The following EPS8L2 variants were observed in gnomAD, a reference collection of about 807,000 sequenced individuals.
EPS8L2 encodes EPS8 signaling adaptor L2, also known as epidermal growth factor receptor kinase substrate 8-like protein 2.
A neutral mutation model predicts 99.4 loss-of-function variants in EPS8L2; 81 were observed. That is an observed-to-expected ratio of 0.82 (90% CI 0.68 to 0.98). The LOEUF is 0.98. EPS8L2 is among the 50% of genes least tolerant of loss of function. The probability of loss-of-function intolerance (pLI) is 0.00; values close to 1 mark genes in which losing one functional copy is unlikely to be tolerated. For missense variants in EPS8L2, 1,155 were observed against 968.8 expected (o/e 1.19, Z -2.55); for synonymous variants, 509 against 407.3 (o/e 1.25, Z -3.01).
Position 726,317 on chromosome 11 carries a change from C to T in EPS8L2, c.1767C>T (p.His589=), listed in dbSNP as rs142923878. 200 of 1,609,200 alleles carry T rather than the reference C, an allele frequency of 1.2e-4. No individual in the cohort carries two copies. The highest frequency in any genetic ancestry group is 9.8e-5 in the Non-Finnish European group (115 of 1,178,590). The change falls in exon 19 of 21, where the codon CAC becomes CAT. Residue 589 remains histidine (H), a synonymous_variant. Coordinates refer to ENST00000318562, the MANE Select transcript of EPS8L2 (RefSeq NM_022772.4). ...FPGNKDELMQ[H]MDEVNDELIR... is the part of the protein sequence containing the mutation. ...GCGCCCCCTCAGAGCTCATGCAGCA[C>T]ATGGACGAGGTCAACGACGAGCTCA...
intron 5 of EPS8L2, 89 bp downstream of exon 5, chr11:720,312 C>G (rs1372032877): frequency 9.3e-6 from 13 of 1,396,362 alleles, no homozygotes; most frequent in Non-Finnish European, 1.3e-5. Context: ...GGCCGGTCCT[C>G]TCTGCAGGGC....
In EPS8L2 at chr11:726,103, T is replaced by G. The variant is rs765096089; in HGVS notation, c.1686T>G (p.Gly562=). ...EDAGAPFEQA[G]QKYWGPASPT... The stretch of plus-strand genomic sequence containing the variant: ...ATCGCCCCCCGCCCCCGCAGGCCGG[T>G]CAGAAGTACTGGGGCCCCGCCAGCC... The change falls in exon 18 of 21, where the codon GGT becomes GGG. Residue 562 remains glycine, a synonymous_variant. Transcript: ENST00000318562. 1 of 1,591,324 alleles carries G rather than the reference T, an allele frequency of 6.3e-7. No homozygotes were observed. The highest frequency in any genetic ancestry group is 1.1e-5 in the South Asian group (1 of 89,556).
intron 4 of EPS8L2, among the ~76,000 whole-genome samples, chr11:715,708 C>A (rs1334865681): frequency 1.9e-4 from 29 of 149,998 alleles, no homozygotes; most frequent in African/African-American, 6.6e-4. Flanking sequence ...GCAAGCTCCG[C>A]CTCCTGGGTT....
intron 3 of EPS8L2, chr11:710,028 G>A: frequency 2.9e-6 from 1 of 350,368 alleles, no homozygotes; most frequent in South Asian, 3.2e-5. Flanking sequence ...TTTGGACAAG[G>A]TGCCTAGTCT....
rs1256542067 is a variant in EPS8L2 at position 720,721 on chromosome 11, A to G, written c.452A>G (p.His151Arg). 3.8e-6 allele frequency: 6 copies of G among 1,586,208 alleles called. No individual in the cohort carries two copies. Among genetic ancestry groups the G allele is most frequent in the Non-Finnish European group, 2.6e-6 (3 of 1,167,550 alleles). Residue 151 changes from histidine to arginine, a missense_variant, in exon 6 of 21, where the codon CAC becomes CGC. Transcript: ENST00000318562. ...TCGGAGCAGAGCAAGCCGGATGTCCACTTCTTCCACTGCGATGAGGTGGAG... is the reference window on the plus strand; with the variant it reads ...TCGGAGCAGAGCAAGCCGGATGTCCGCTTCTTCCACTGCGATGAGGTGGAG... The part of the protein sequence containing the change: ...QDSEQSKPDV[H>R]FFHCDEVEAE...
intron 18 of EPS8L2, 24 bp from the exon 19 acceptor site, chr11:726,280 G>A (rs751227634): frequency 6.3e-7 from 1 of 1,591,884 alleles, no homozygotes; most frequent in Non-Finnish European, 8.5e-7. Flanking sequence ...GGCAGCGGCG[G>A]GCCTGAGTCG....
chr11:720,542 C>T (rs1029663104), intron 5 of EPS8L2, 55 bp from the exon 6 acceptor site: 7 of 1,562,590 alleles, frequency 4.5e-6, no homozygotes, highest in Non-Finnish European at 6.1e-6. Context: ...CGGCCACTCC[C>T]TGCCAGAGTG....
intron 12 of EPS8L2, 100 bp downstream of exon 12, chr11:722,265 G>C (rs892465994): frequency 1.3e-6 from 2 of 1,541,022 alleles, no homozygotes; most frequent in East Asian, 4.6e-5. Flanking sequence ...GCCCGCCTTG[G>C]GCAGCCCGGT....
At chr11:720,958 C>CCCGGAAGGGGAGGGGAGGAG in intron 7 of EPS8L2, 49 bp downstream of exon 7, 1 of 1,015,860 alleles carries the variant, frequency 9.8e-7, no homozygotes, top group African/African-American at 2.8e-5. Flanking sequence ...AGGGGAGGAG[C>CCCGGAAGGGGAGGGGAGGAG]CCGGCAGGGG....
At chr11:726,060 C>A in intron 17 of EPS8L2, 38 bp from the exon 18 acceptor site, 7 of 1,273,812 alleles carry the variant, frequency 5.5e-6, no homozygotes, top group South Asian at 1.3e-5. Flanking sequence ...GAGGCGGGGG[C>A]GGGGCGTGGG....
rs150769913 is a variant in EPS8L2 at position 720,200 on chromosome 11, C to G, written c.304C>G (p.Arg102Gly). Residue 102 changes from arginine to glycine, a missense_variant, in exon 5 of 21, where the codon CGG (arginine) becomes GGG (glycine). Physicochemically the swap from Arg to Gly is moderately radical, Grantham distance 125. Transcript: ENST00000318562. ...MLLQVNDQSL[R>G]LLDIESQEEL... ...GCTGCAGGTGAACGACCAGTCGCTG[C>G]GGCTGCTGGACATCGAGTCACAGGT... 6.2e-7 allele frequency: 1 copy of G among 1,612,966 alleles called. No homozygotes were observed. Among genetic ancestry groups the G allele is most frequent in the Non-Finnish European group, 8.5e-7 (1 of 1,179,924 alleles).
chr11:711,504 C>G (rs909267329), intron 4 of EPS8L2, among the ~76,000 whole-genome samples: 4 of 151,950 alleles, frequency 2.6e-5, no homozygotes, highest in Non-Finnish European at 4.4e-5. Context: ...CCCCACCATG[C>G]CCATCTAATT....
chr11:720,602 G>A lies in EPS8L2; in HGVS notation c.333G>A (p.Glu111=). 6.3e-7 allele frequency: 1 copy of A among 1,599,926 alleles called. No homozygotes were observed. The highest frequency in any genetic ancestry group is 8.5e-7 in the Non-Finnish European group (1 of 1,174,998). ...TCCGCGCGATGTACCCGCAGGAGGA[G>A]CTGGAAGACTTCCCGCTGCCCACGG... The part of the protein sequence containing the change: ...LRLLDIESQE[E]LEDFPLPTVQ... Residue 111 remains glutamate (E), a synonymous_variant, in exon 6 of 21, where the codon GAG becomes GAA. Transcript: ENST00000318562.
At chr11:711,266 G>A (rs1283415205) in intron 4 of EPS8L2, among the ~76,000 whole-genome samples, 1 of 109,874 alleles carries the variant, frequency 9.1e-6, no homozygotes, top group Non-Finnish European at 2.1e-5. Context: ...GTGTGCGTGC[G>A]TGCGTGTGTG....
intron 5 of EPS8L2, 75 bp from the exon 6 acceptor site, chr11:720,522 T>C: frequency 6.5e-7 from 1 of 1,548,676 alleles, no homozygotes; most frequent in Non-Finnish European, 8.7e-7. Context: ...TCCAGGCTTG[T>C]CCACAGCTCC....
chr11:726,599 G>A lies in EPS8L2; in HGVS notation c.1935-20G>A, dbSNP rs753303115. ...GCCTCGCTCACAGCGCGGCCCTGACGCCCAACTGCCCGCCCCCAGGATCGT... is the reference window on the plus strand; with the variant it reads ...GCCTCGCTCACAGCGCGGCCCTGACACCCAACTGCCCGCCCCCAGGATCGT... On this transcript the variant is annotated intron_variant, in intron 19 of 20. Coordinates refer to ENST00000318562, the MANE Select transcript of EPS8L2 (RefSeq NM_022772.4). The A allele has an allele frequency of 3.2e-6, 5 of 1,540,404 alleles. 1 individual carries two copies. The African/African-American group carries it at 4.1e-5, about 13-fold the overall frequency.
Position 720,894 on chromosome 11 carries a change from G to A in EPS8L2, c.542G>A (p.Arg181Gln), listed in dbSNP as rs1862140456. 6.7e-7 allele frequency: 1 copy of A among 1,491,796 alleles called. No homozygotes were observed. The highest frequency in any genetic ancestry group is 9.0e-7 in the Non-Finnish European group (1 of 1,117,048). The allele number at this position is 1,491,796 out of a possible 1,614,324, so 92.4% of individuals were successfully genotyped here. The part of the protein sequence containing the change: ...LADCRLGKKM[R>Q]PQTLKGHQEK... ...GACTGCCGGCTGGGCAAGAAGATGC[G>A]GCCGCAGACCCTGAAGTAGGGCAGC... The change falls in exon 7 of 21, where the codon CGG becomes CAG. Residue 181 changes from arginine to glutamine, a missense_variant. Arg to Gln is a conservative substitution (Grantham distance 43). Transcript: ENST00000318562.
Position 721,294 on chromosome 11 carries a change from G to T in EPS8L2, c.710G>T (p.Arg237Leu). 6.5e-7 allele frequency: 1 copy of T among 1,540,528 alleles called. No individual in the cohort carries two copies. Among genetic ancestry groups the T allele is most frequent in the Non-Finnish European group, 8.7e-7 (1 of 1,146,632 alleles). The stretch of plus-strand genomic sequence containing the variant: ...CCGTGTCCCCCATCAGGTTTCCGCC[G>T]TCGGGAGTCGCAGGAGGAGCCGCGG... ...QVPLSEPGFR[R>L]RESQEEPRAV... The change falls in exon 9 of 21, where the codon CGT becomes CTT. Residue 237 changes from arginine (R) to leucine (L), a missense_variant. Transcript: ENST00000318562.
At chr11:720,531 C>G in intron 5 of EPS8L2, 66 bp from the exon 6 acceptor site, 1 of 1,552,882 alleles carries the variant, frequency 6.4e-7, no homozygotes, top group Non-Finnish European at 8.7e-7. Context: ...GTCCACAGCT[C>G]CGGCCACTCC....
Sources: allele counts gnomAD v4.1 joint callset (sites outside exome capture counted in the v4.1 genomes callset), GRCh38; gene constraint gnomAD v4.1.1; transcripts MANE v1.5; gene names NCBI Gene and HGNC (gene_info 2026-07-23, HGNC 2026-07-21).